The following PMEPA1 variants were observed in gnomAD, a reference collection of about 807,000 sequenced individuals.
PMEPA1 encodes the protein prostate transmembrane protein, androgen induced 1.
A neutral mutation model predicts 23.0 loss-of-function variants in PMEPA1; 11 were observed. The ratio of observed to expected loss-of-function variants is 0.48; its 90% CI spans 0.30 to 0.79. PMEPA1 has a LOEUF of 0.79. Ranked by LOEUF, PMEPA1 falls within the 30% of genes least tolerant of loss-of-function variation. The pLI is 0.06. For missense variants in PMEPA1, 377 were observed against 390.9 expected (o/e 0.96, Z 0.30); for synonymous variants, 204 against 166.4 (o/e 1.23, Z -1.74).
rs1235079847 is a variant in PMEPA1, at chr20:57,649,612, T to G, written c.*2441A>C. On this transcript the variant is annotated 3_prime_UTR_variant, in exon 4 of 4. Coordinates refer to ENST00000341744, the MANE Select transcript of PMEPA1 (RefSeq NM_020182.5). ...GGACTGTCTCAGCCTGGCTTTGGGC[T>G]GACACCATGCACACACACAAGGTCC... The G allele has an allele frequency of 6.6e-6, 1 of 152,266 alleles. No homozygotes were observed. The highest frequency in any genetic ancestry group is 1.5e-5 in the Non-Finnish European group (1 of 68,074). 9.4% of individuals were successfully genotyped at this position (152,266 alleles called of 1,614,324 possible).
chr20:57,697,840 T>G (rs2071960700), intron 1 of PMEPA1, among the ~76,000 whole-genome samples: 2 of 152,216 alleles, frequency 1.3e-5, no homozygotes, highest in Non-Finnish European at 1.5e-5. Context: ...CCAAAGCAAC[T>G]AATAAAATTA....
Position 57,652,440 on chromosome 20 carries a change from T to A in PMEPA1, c.477A>T (p.Pro159=), listed in dbSNP as rs772028767. ...TISLSDGEEP[P]PYQGPCTLQL... ...GGAGGGTGCAGGGGCCCTGGTAGGGTGGGGGCTCCTCCCCGTCTGACAGCG... is the reference window on the plus strand; with the variant it reads ...GGAGGGTGCAGGGGCCCTGGTAGGGAGGGGGCTCCTCCCCGTCTGACAGCG... Residue 159 remains proline (P), a synonymous_variant, in exon 4 of 4, where the codon CCA becomes CCT. Coordinates refer to ENST00000341744, the MANE Select transcript of PMEPA1 (RefSeq NM_020182.5). The surrounding 1 kb of genome is among the most constrained non-coding windows in gnomAD (Gnocchi z 6.1). 2 of 1,612,628 alleles carry A rather than the reference T, an allele frequency of 1.2e-6. No individual in the cohort carries two copies.
At chr20:57,662,032 G>A (rs1023170373) in intron 1 of PMEPA1, among the ~76,000 whole-genome samples, 13 of 151,322 alleles carry the variant, frequency 8.6e-5, no homozygotes, top group Non-Finnish European at 1.5e-4. Flanking sequence ...TACTGAGCCC[G>A]TGTTTCTCAG....
intron 1 of PMEPA1, among the ~76,000 whole-genome samples, chr20:57,666,961 C>T (rs547166645): frequency 1.3e-5 from 2 of 152,310 alleles, no homozygotes; most frequent in Admixed American, 6.5e-5. Flanking sequence ...ATTTGTGACA[C>T]GGGAATGATA....
intron 1 of PMEPA1, among the ~76,000 whole-genome samples, chr20:57,665,342 T>C (rs2071477255): frequency 6.6e-6 from 1 of 152,090 alleles, no homozygotes; most frequent in African/African-American, 2.4e-5. Context: ...AAGGGTTTCA[T>C]TCTCCTGCTA....
chr20:57,660,150 C>T (rs1428065112), intron 1 of PMEPA1, among the ~76,000 whole-genome samples: 1 of 152,048 alleles, frequency 6.6e-6, no homozygotes, highest in Non-Finnish European at 1.5e-5. Context: ...TCTTAGGGGC[C>T]CAGGGAGGGA....
rs56747812 is a variant in PMEPA1, at chr20:57,683,547, C to CTGTGTGTGTGTGTGTG, written c.110-23851_110-23850insCACACACACACACACA. Among the ~76,000 whole-genome samples, 113 of 139,952 alleles carry CTGTGTGTGTGTGTGTG rather than the reference C, an allele frequency of 8.1e-4. 1 individual carries two copies. The highest frequency in any genetic ancestry group is 3.3e-3 in the African/African-American group (110 of 33,816). The allele number at this position is 139,952 out of a possible 152,430, so 91.8% of individuals were successfully genotyped here. On this transcript the variant is annotated intron_variant, in intron 1 of 3. Transcript: ENST00000341744. The surrounding 1 kb of genome is among the most constrained non-coding windows in gnomAD (Gnocchi z 4.3). ...ACTAACTCGGTGGTGGTGTTCTGGC[C>CTGTGTGTGTGTGTGTG]TGTGTGCGTGTGTGTGTGTGTGTGT...
intron 1 of PMEPA1, among the ~76,000 whole-genome samples, chr20:57,702,849 G>C (rs985699079): frequency 6.6e-6 from 1 of 152,196 alleles, no homozygotes; most frequent in African/African-American, 2.4e-5. Context: ...CTAGGAAAAA[G>C]AGCAGAAGCA....
chr20:57,685,720 T>A (rs2071792402), intron 1 of PMEPA1, among the ~76,000 whole-genome samples: 1 of 152,118 alleles, frequency 6.6e-6, no homozygotes, highest in African/African-American at 2.4e-5. Flanking sequence ...TTCTGGCTCT[T>A]CTTGTTCTGG....
chr20:57,669,749 C>G (rs2071542342), intron 1 of PMEPA1, among the ~76,000 whole-genome samples: 1 of 152,210 alleles, frequency 6.6e-6, no homozygotes, highest in Non-Finnish European at 1.5e-5. Context: ...GCAGGGCATG[C>G]ATGAAACTGC....
At chr20:57,671,752 T>C (rs1159292230) in intron 1 of PMEPA1, among the ~76,000 whole-genome samples, 1 of 152,228 alleles carries the variant, frequency 6.6e-6, no homozygotes, top group East Asian at 1.9e-4. Flanking sequence ...ATCATCTCTA[T>C]TGTGGGGCCG....
intron 1 of PMEPA1, among the ~76,000 whole-genome samples, chr20:57,694,582 G>T (rs540612665): frequency 1.3e-5 from 2 of 152,360 alleles, no homozygotes; most frequent in East Asian, 1.9e-4. Context: ...GGTGCAGTGG[G>T]CTGGACATCC....
At chr20:57,681,437 A>G (rs1568976616) in intron 1 of PMEPA1, among the ~76,000 whole-genome samples, 1 of 152,180 alleles carries the variant, frequency 6.6e-6, no homozygotes, top group Non-Finnish European at 1.5e-5. Context: ...TGCGGGTGAC[A>G]GCGAGAGACC....
intron 2 of PMEPA1, among the ~76,000 whole-genome samples, chr20:57,659,233 C>A (rs367721556): frequency 2.4e-4 from 36 of 152,358 alleles, no homozygotes; most frequent in African/African-American, 8.7e-4. Flanking sequence ...TGCCCTCTCC[C>A]CAGGCCCTGC....
At position 57,650,274 on chromosome 20, in the gene PMEPA1, A is replaced by T. The variant is rs1319052494; in HGVS notation, c.*1779T>A. 2.0e-5 allele frequency: 3 copies of T among 152,260 alleles called. No homozygotes were observed. The highest frequency in any genetic ancestry group is 7.2e-5 in the African/African-American group (3 of 41,474). The allele number at this position is 152,260 out of a possible 1,614,324, so 9.4% of individuals were successfully genotyped here. A position where few individuals can be genotyped will look rare whatever the true frequency, so the allele number is the denominator to read the frequency against. Reference sequence around the variant, plus strand: ...TTTATATCTTTTATGTTAGTCTACTAGTCAGCATTCTGCCCAAAATGGAAA... The same window carrying T: ...TTTATATCTTTTATGTTAGTCTACTTGTCAGCATTCTGCCCAAAATGGAAA... On this transcript the variant is annotated 3_prime_UTR_variant, in exon 4 of 4. Transcript: ENST00000341744.
Position 57,704,564 on chromosome 20 carries a change from C to T in PMEPA1, c.109+4910G>A, listed in dbSNP as rs1396553569. Among the ~76,000 whole-genome samples the T allele has an allele frequency of 1.3e-5, 2 of 152,194 alleles. No homozygotes were observed. Among genetic ancestry groups the T allele is most frequent in the African/African-American group, 4.8e-5 (2 of 41,422 alleles). On this transcript the variant is annotated intron_variant, in intron 1 of 3. Transcript: ENST00000341744. This position sits in a 1 kb window ranked among gnomAD's most constrained non-coding sequence, Gnocchi z 4.6. ...CTCCGAAATTCACCGTGTAAGAGTT[C>T]CTTCTCTTTGGGCAGGATCCCAGAC...
intron 1 of PMEPA1, among the ~76,000 whole-genome samples, chr20:57,685,236 C>G (rs2071785235): frequency 6.6e-6 from 1 of 152,182 alleles, no homozygotes; most frequent in Admixed American, 6.5e-5. Context: ...GCTGCAACCT[C>G]CAGCTAACTG....
intron 1 of PMEPA1, among the ~76,000 whole-genome samples, chr20:57,688,115 G>C (rs1339395697): frequency 6.6e-6 from 1 of 152,198 alleles, no homozygotes; most frequent in African/African-American, 2.4e-5. Context: ...GACGGCCTCA[G>C]CTCAGCCTCC....
chr20:57,668,352 T>C (rs901351753), intron 1 of PMEPA1, among the ~76,000 whole-genome samples: 2 of 152,222 alleles, frequency 1.3e-5, no homozygotes, highest in Non-Finnish European at 2.9e-5. Flanking sequence ...TGACCTTCAG[T>C]AAATCTCCTG....
Sources: gnomAD v4.1 joint callset for allele counts (sites outside exome capture counted in the v4.1 genomes callset) on GRCh38, gnomAD v4.1.1 for gene constraint, Gnocchi (gnomAD v3.1) non-coding constraint, MANE v1.5 for transcripts, NCBI Gene and HGNC (gene_info 2026-07-23, HGNC 2026-07-21) for gene names.